Variants in PARD3 observed in about 807,000 individuals in gnomAD.
The protein encoded by PARD3 is partitioning defective 3 homolog.
A neutral mutation model predicts 155.4 loss-of-function variants in PARD3; 75 were observed. That is an observed-to-expected ratio of 0.48 (90% CI 0.40 to 0.58). The LOEUF is 0.58. Ranked by LOEUF, PARD3 falls within the 20% of genes least tolerant of loss-of-function variation. PARD3 has a pLI of 0.00. For synonymous variants in PARD3, 576 were observed against 610.5 expected (o/e 0.94, Z 0.83); for missense variants, 1,642 against 1,721.7 (o/e 0.95, Z 0.82).
In PARD3 at chr10:34,163,183, G is replaced by C. The variant is rs1450039865; in HGVS notation, c.3420-31600C>G. ...TAGAGTGGCCACCACTCCTGGGAGG[G>C]AGTTGCGTATTCACCTAGGAAGTTA... is the stretch of plus-strand genomic sequence containing the variant. On this transcript the variant is annotated intron_variant, in intron 22 of 24. Coordinates refer to ENST00000374788, the MANE Select transcript of PARD3 (RefSeq NM_001184785.2). Among the ~76,000 whole-genome samples the C allele has an allele frequency of 5.3e-5, 8 of 152,224 alleles. No homozygotes were observed. In the East Asian group the frequency reaches 1.5e-3, roughly 29 times the overall value.
chr10:34,523,915 T>C (rs2082309384), intron 2 of PARD3, among the ~76,000 whole-genome samples: 1 of 152,162 alleles, frequency 6.6e-6, no homozygotes, highest in Non-Finnish European at 1.5e-5. Flanking sequence ...ACCAATACAT[T>C]TAAATTCTTC....
intron 22 of PARD3, among the ~76,000 whole-genome samples, chr10:34,217,746 A>G (rs921414385): frequency 6.6e-6 from 1 of 152,156 alleles, no homozygotes; most frequent in African/African-American, 2.4e-5. Context: ...TATTCAGTTC[A>G]TATTTACTGA....
intron 3 of PARD3, among the ~76,000 whole-genome samples, chr10:34,492,582 A>G (rs1327716967): frequency 6.6e-6 from 1 of 152,228 alleles, no homozygotes; most frequent in Non-Finnish European, 1.5e-5. Flanking sequence ...ATTGACAGTT[A>G]ACCTTTAGAA....
At chr10:34,459,474 A>G (rs1353964018) in intron 4 of PARD3, among the ~76,000 whole-genome samples, 3 of 152,010 alleles carry the variant, frequency 2.0e-5, no homozygotes, top group East Asian at 1.9e-4. Context: ...CCCGGCCCTC[A>G]TTTTCTTTCA....
At chr10:34,254,130 C>T (rs539556443) in intron 22 of PARD3, among the ~76,000 whole-genome samples, 1 of 152,252 alleles carries the variant, frequency 6.6e-6, no homozygotes, top group Admixed American at 6.5e-5. Context: ...TCCTATAATT[C>T]CAGCACTTTG....
Position 34,589,483 on chromosome 10 carries a change from C to T in PARD3, c.223-72324G>A, listed in dbSNP as rs532498943. Among the ~76,000 whole-genome samples, 9 of 152,132 alleles carry T rather than the reference C, an allele frequency of 5.9e-5. No homozygotes were observed. In the South Asian group the frequency reaches 1.7e-3, roughly 28 times the overall value. On this transcript the variant is annotated intron_variant, in intron 2 of 24. Coordinates refer to ENST00000374788, the MANE Select transcript of PARD3 (RefSeq NM_001184785.2). ...GACACAGACGCACACAGCAGGAGAACTCCATGTGAACATAAAAATGACCAT... is the reference window on the plus strand; with the variant it reads ...GACACAGACGCACACAGCAGGAGAATTCCATGTGAACATAAAAATGACCAT...
chr10:34,209,150 A>G (rs1258951525), intron 22 of PARD3, among the ~76,000 whole-genome samples: 1 of 152,224 alleles, frequency 6.6e-6, no homozygotes, highest in Non-Finnish European at 1.5e-5. Context: ...TGGGTGACCT[A>G]GAATCCCTTC....
chr10:34,690,261 T>C (rs10827392), intron 2 of PARD3, among the ~76,000 whole-genome samples: 42,126 of 152,124 alleles, frequency 0.28, 7,098 homozygotes, highest in Non-Finnish European at 0.38. Context: ...CTGATTTTTA[T>C]AATAGCCCAA....
chr10:34,157,782 A>C (rs2133021417), intron 22 of PARD3, among the ~76,000 whole-genome samples: 1 of 152,292 alleles, frequency 6.6e-6, no homozygotes, highest in South Asian at 2.1e-4. Context: ...TACACATAAA[A>C]CGGTGACATA....
At chr10:34,394,488 G>C (rs1168731554) in intron 7 of PARD3, among the ~76,000 whole-genome samples, 1 of 152,070 alleles carries the variant, frequency 6.6e-6, no homozygotes, top group African/African-American at 2.4e-5. Context: ...AGCACACTCG[G>C]CTAACTTTTG....
At chr10:34,366,946 C>G (rs1840023956) in intron 12 of PARD3, among the ~76,000 whole-genome samples, 1 of 152,122 alleles carries the variant, frequency 6.6e-6, no homozygotes, top group African/African-American at 2.4e-5. Flanking sequence ...AATGTCATAT[C>G]TGGCTTTATA....
At chr10:34,115,317 C>A (rs976801650) in intron 24 of PARD3, among the ~76,000 whole-genome samples, 1 of 151,960 alleles carries the variant, frequency 6.6e-6, no homozygotes, top group African/African-American at 2.4e-5. Flanking sequence ...AATGGAGAGG[C>A]AGGAAAAGAA....
chr10:34,497,623 T>C (rs184290718), intron 3 of PARD3, among the ~76,000 whole-genome samples: 34 of 152,330 alleles, frequency 2.2e-4, no homozygotes, highest in Non-Finnish European at 2.2e-4. Flanking sequence ...TTGGAACAGG[T>C]TGTGCTGACT....
intron 14 of PARD3, among the ~76,000 whole-genome samples, chr10:34,352,355 C>G (rs945264518): frequency 3.3e-5 from 5 of 152,180 alleles, no homozygotes; most frequent in Non-Finnish European, 7.3e-5. Context: ...TCTCCCCTCT[C>G]CCCTCTCCCT....
intron 1 of PARD3, among the ~76,000 whole-genome samples, chr10:34,755,510 T>C (rs1009087917): frequency 1.3e-5 from 2 of 152,182 alleles, no homozygotes; most frequent in African/African-American, 2.4e-5. Flanking sequence ...GAGGCTCAAC[T>C]AGCAACTTGA....
intron 2 of PARD3, among the ~76,000 whole-genome samples, chr10:34,644,722 A>G (rs1308432693): frequency 6.6e-6 from 1 of 152,200 alleles, no homozygotes; most frequent in African/African-American, 2.4e-5. Context: ...GATGGAGATC[A>G]GACCTTAATT....
At position 34,799,289 on chromosome 10, in the gene PARD3, G is replaced by T. The variant is rs551287159; in HGVS notation, c.120+15587C>A. On this transcript the variant is annotated intron_variant, in intron 1 of 24. Transcript: ENST00000374788. ...ACTCCTGACCTCAGGTGATCCACCC[G>T]CCTCGGCCTCCCAAAGTGCTGGGAT... Among the ~76,000 whole-genome samples, 89 of 152,176 alleles carry T rather than the reference G, an allele frequency of 5.8e-4. 1 individual carries two copies. The Middle Eastern group carries it at 0.01, about 17-fold the overall frequency.
chr10:34,623,919 T>C (rs971246153), intron 2 of PARD3, among the ~76,000 whole-genome samples: 2 of 150,452 alleles, frequency 1.3e-5, no homozygotes, highest in African/African-American at 4.9e-5. Flanking sequence ...AGGCAGAGGT[T>C]GCAGTGAGCT....
At position 34,389,113 on chromosome 10, in the gene PARD3, C is replaced by T. The variant is rs139596364; in HGVS notation, c.891-4859G>A. ...CTCTTCTAGTCTCCTATATTTTCTT[C>T]AAAATTTGAAAAGAAGAAAACACTA... On this transcript the variant is annotated intron_variant, in intron 7 of 24. Coordinates refer to ENST00000374788, the MANE Select transcript of PARD3 (RefSeq NM_001184785.2). Among the ~76,000 whole-genome samples, 5 of 151,832 alleles carry T rather than the reference C, an allele frequency of 3.3e-5. No individual in the cohort carries two copies. In the East Asian group the frequency reaches 9.7e-4, roughly 29 times the overall value.
Sources: allele counts gnomAD v4.1 joint callset (sites outside exome capture counted in the v4.1 genomes callset), GRCh38; gene constraint gnomAD v4.1.1; transcripts MANE v1.5; gene names NCBI Gene and HGNC (gene_info 2026-07-23, HGNC 2026-07-21).